The following CFAP96 variants were observed in gnomAD, a reference collection of about 807,000 sequenced individuals.
CFAP96 encodes cilia and flagella associated protein 96, also known as cilia-and flagella-associated protein 96.
chr4:185,444,715 C>T, the CFAP96 span, among the ~76,000 whole-genome samples: 73 of 152,256 alleles, frequency 4.8e-4, no homozygotes, highest in African/African-American at 1.6e-3. Flanking sequence ...AATATTAATG[C>T]TTGGCAATAG....
At chr4:185,448,295 A>G in the CFAP96 span, among the ~76,000 whole-genome samples, 2 of 151,474 alleles carry the variant, frequency 1.3e-5, no homozygotes, top group African/African-American at 4.8e-5. Flanking sequence ...TGCTGGGATT[A>G]AGTGCTGGGA....
At chr4:185,419,709 T>C in the CFAP96 span, among the ~76,000 whole-genome samples, 137,188 of 152,306 alleles carry the variant, frequency 0.9, 61,904 homozygotes, top group East Asian at 0.99. Flanking sequence ...TTCTTTCACT[T>C]AGCTTAATGT....
At chr4:185,413,502 A>G in the CFAP96 span, among the ~76,000 whole-genome samples, 3 of 152,250 alleles carry the variant, frequency 2.0e-5, no homozygotes, top group Non-Finnish European at 4.4e-5. Flanking sequence ...TAAAGAAATA[A>G]GAGAATTTTA....
At chr4:185,446,280 T>C in the CFAP96 span, among the ~76,000 whole-genome samples, 3 of 152,336 alleles carry the variant, frequency 2.0e-5, no homozygotes, top group East Asian at 5.8e-4. Flanking sequence ...TTTTACCTAA[T>C]CAAAATATGA....
At chr4:185,425,945 G>T in the CFAP96 span, 3 of 1,529,470 alleles carry the variant, frequency 2.0e-6, no homozygotes, top group African/African-American at 2.7e-5. Flanking sequence ...TGGTGTCACC[G>T]CACGGCCCAG....
At chr4:185,423,648 T>C in the CFAP96 span, among the ~76,000 whole-genome samples, 1 of 152,296 alleles carries the variant, frequency 6.6e-6, no homozygotes, top group East Asian at 1.9e-4. Flanking sequence ...TTACAACTTA[T>C]AAAGGGAAAA....
the CFAP96 span, among the ~76,000 whole-genome samples, chr4:185,438,082 G>T: frequency 1.3e-5 from 2 of 151,116 alleles, no homozygotes; most frequent in African/African-American, 4.9e-5. Context: ...TCCTTCTTGT[G>T]CTTGAGGTTT....
At chr4:185,408,655 G>T in the CFAP96 span, among the ~76,000 whole-genome samples, 1 of 151,966 alleles carries the variant, frequency 6.6e-6, no homozygotes, top group South Asian at 2.1e-4. Context: ...CTACCTTCTG[G>T]CCTCCTCTCC....
At chr4:185,415,952 A>G in the CFAP96 span, 35 of 1,195,684 alleles carry the variant, frequency 2.9e-5, no homozygotes, top group African/African-American at 5.2e-4. Flanking sequence ...TCAAAAATGT[A>G]TTTATTATTA....
the CFAP96 span, chr4:185,408,548 C>T: frequency 1.8e-6 from 2 of 1,138,604 alleles, no homozygotes; most frequent in Admixed American, 5.0e-5. Flanking sequence ...TACTTTAGTT[C>T]CTTATAAAAA....
the CFAP96 span, among the ~76,000 whole-genome samples, chr4:185,424,359 T>C: frequency 6.6e-6 from 1 of 152,158 alleles, no homozygotes; most frequent in Non-Finnish European, 1.5e-5. Context: ...ATGCTAAACA[T>C]ACATACTTAC....
At chr4:185,415,624 C>T in the CFAP96 span, 1 of 1,200,756 alleles carries the variant, frequency 8.3e-7, no homozygotes, top group Non-Finnish European at 1.2e-6. Context: ...AAAATCACAC[C>T]TTAGGTATAC....
the CFAP96 span, chr4:185,418,720 T>C: frequency 6.2e-7 from 1 of 1,613,568 alleles, no homozygotes; most frequent in Non-Finnish European, 8.5e-7. Context: ...GAAGACAGCT[T>C]AGTTGACAGG....
At chr4:185,448,933 G>A in the CFAP96 span, among the ~76,000 whole-genome samples, 241 of 151,862 alleles carry the variant, frequency 1.6e-3, 1 homozygote, top group African/African-American at 5.5e-3. Flanking sequence ...TTTATCTTCC[G>A]TTTAGTAATT....
At chr4:185,449,175 T>C in the CFAP96 span, among the ~76,000 whole-genome samples, 1 of 152,212 alleles carries the variant, frequency 6.6e-6, no homozygotes, top group Non-Finnish European at 1.5e-5. Context: ...GGATTGTTAA[T>C]ATGTTACAAA....
chr4:185,422,113 T>C, the CFAP96 span, among the ~76,000 whole-genome samples: 1 of 152,192 alleles, frequency 6.6e-6, no homozygotes, highest in Non-Finnish European at 1.5e-5. Flanking sequence ...CCATATAATG[T>C]AGTATTTAAG....
chr4:185,424,573 T>C, the CFAP96 span, among the ~76,000 whole-genome samples: 1 of 152,220 alleles, frequency 6.6e-6, no homozygotes, highest in African/African-American at 2.4e-5. Context: ...AAATTTAGCT[T>C]CATGTTGTCC....
chr4:185,419,377 G>A, the CFAP96 span, among the ~76,000 whole-genome samples: 71 of 152,182 alleles, frequency 4.7e-4, no homozygotes, highest in African/African-American at 1.6e-3. Flanking sequence ...TGATCCACCC[G>A]CCTCGGCCTC....
the CFAP96 span, among the ~76,000 whole-genome samples, chr4:185,419,212 A>G: frequency 6.6e-6 from 1 of 151,958 alleles, no homozygotes; most frequent in Non-Finnish European, 1.5e-5. Context: ...GCTCACTGCA[A>G]GCTCCGCCTC....
Sources: allele counts gnomAD v4.1 joint callset (sites outside exome capture counted in the v4.1 genomes callset), GRCh38; gene constraint gnomAD v4.1.1; transcripts MANE v1.5; gene names NCBI Gene and HGNC (gene_info 2026-07-23, HGNC 2026-07-21).